Variants in NEDD4L observed in about 807,000 individuals in gnomAD.
NEDD4L encodes the protein NEDD4 like E3 ubiquitin protein ligase, also known as E3 ubiquitin-protein ligase NEDD4-like.
Under a neutral mutation model 148.9 loss-of-function variants are expected in NEDD4L, and 54 were observed. That is an observed-to-expected ratio of 0.36 (90% CI 0.29 to 0.45). The LOEUF is 0.45. Among genes scored for constraint, NEDD4L ranks in the 20% least tolerant of loss-of-function variants. The pLI is 1.00. For missense variants in NEDD4L, 856 were observed against 1,233.8 expected, an observed-to-expected ratio of 0.69 and a Z score of 4.59; for synonymous variants, 433 against 440.7, an observed-to-expected ratio of 0.98 and a Z score of 0.22.
In NEDD4L at chr18:58,276,694, A is replaced by ATTATTATTAT. The variant is rs367992185; in HGVS notation, c.297+24641_297+24642insTATTATTATT. Among the ~76,000 whole-genome samples the ATTATTATTAT allele has an allele frequency of 6.0e-3, 591 of 97,822 alleles. 4 individuals are homozygous for ATTATTATTAT. Among genetic ancestry groups the ATTATTATTAT allele is most frequent in the Middle Eastern group, 0.029 (6 of 206 alleles). 64.2% of individuals were successfully genotyped at this position (97,822 alleles called of 152,430 possible). ...GTGGTCAGCTATAATAATAATAATA[A>ATTATTATTAT]TATTATTATTATTATTATTAATAAA... On this transcript the variant is annotated intron_variant, in intron 5 of 30. Transcript: ENST00000400345.
intron 1 of NEDD4L, among the ~76,000 whole-genome samples, chr18:58,049,040 C>G (rs887065619): frequency 6.6e-6 from 1 of 152,094 alleles, no homozygotes; most frequent in African/African-American, 2.4e-5. Context: ...ACATACTGTC[C>G]ATCTTATGAA....
intron 4 of NEDD4L, among the ~76,000 whole-genome samples, chr18:58,251,144 T>C (rs117348899): frequency 0.011 from 1,690 of 152,208 alleles, 12 homozygotes; most frequent in Non-Finnish European, 0.016. Flanking sequence ...TTTATAAAAT[T>C]GCGTGATAGT....
intron 1 of NEDD4L, among the ~76,000 whole-genome samples, chr18:58,121,266 G>T (rs879760569): frequency 6.6e-6 from 1 of 152,064 alleles, no homozygotes; most frequent in Non-Finnish European, 1.5e-5. Flanking sequence ...TTTAACTTTG[G>T]CCCCTGTTGG....
chr18:58,093,307 T>C (rs2084190117), intron 1 of NEDD4L, among the ~76,000 whole-genome samples: 1 of 152,214 alleles, frequency 6.6e-6, no homozygotes, highest in Non-Finnish European at 1.5e-5. Flanking sequence ...AAGTACTCAT[T>C]TCACAGGCAT....
chr18:58,104,366 A>G (rs956852160), intron 1 of NEDD4L, among the ~76,000 whole-genome samples: 1 of 152,206 alleles, frequency 6.6e-6, no homozygotes, highest in Non-Finnish European at 1.5e-5. Flanking sequence ...CAACTGCTTA[A>G]TGGATGTGGA....
intron 9 of NEDD4L, among the ~76,000 whole-genome samples, chr18:58,326,306 T>G (rs767788838): frequency 6.6e-6 from 1 of 152,186 alleles, no homozygotes; most frequent in Non-Finnish European, 1.5e-5. Context: ...CGTGATCAGC[T>G]TTAGACTACC....
chr18:58,286,657 A>G (rs776610864), intron 5 of NEDD4L, among the ~76,000 whole-genome samples: 3 of 152,206 alleles, frequency 2.0e-5, no homozygotes, highest in Non-Finnish European at 4.4e-5. Context: ...GGGCTTCATC[A>G]TGTTCATGAT....
chr18:58,274,149 G>A (rs570332675), intron 5 of NEDD4L, among the ~76,000 whole-genome samples: 1 of 152,262 alleles, frequency 6.6e-6, no homozygotes, highest in South Asian at 2.1e-4. Flanking sequence ...CCATCTCCAA[G>A]TGTCAGGCAG....
rs187177426 is a variant in NEDD4L, at chr18:58,133,517, G to A, written c.49-32271G>A. Reference sequence around the variant, plus strand: ...TTTTTCTTTAGATAATATGTTCTTTGCATTAATGAGTTTGTGGGTTTTTTG... The same window carrying A: ...TTTTTCTTTAGATAATATGTTCTTTACATTAATGAGTTTGTGGGTTTTTTG... On this transcript the variant is annotated intron_variant, in intron 1 of 30. Coordinates refer to ENST00000400345, the MANE Select transcript of NEDD4L (RefSeq NM_001144967.3). Among the ~76,000 whole-genome samples the A allele has an allele frequency of 5.4e-4, 82 of 152,294 alleles. 1 individual carries two copies. The East Asian group carries it at 0.014, about 26-fold the overall frequency.
intron 1 of NEDD4L, among the ~76,000 whole-genome samples, chr18:58,062,866 TA>T (rs2082394300): frequency 1.3e-5 from 2 of 151,684 alleles, no homozygotes; most frequent in South Asian, 4.1e-4. Flanking sequence ...CAGGCGCCTG[TA>T]GTCCCAGCTA....
chr18:58,350,904 T>A (rs775938847), intron 17 of NEDD4L, 87 bp from the exon 18 acceptor site: 3 of 989,180 alleles, frequency 3.0e-6, no homozygotes, highest in Admixed American at 2.0e-5. Flanking sequence ...TACAGAGGTG[T>A]TCTATAGTTT....
chr18:58,112,130 G>A (rs1461649417), intron 1 of NEDD4L, among the ~76,000 whole-genome samples: 7 of 152,128 alleles, frequency 4.6e-5, no homozygotes, highest in Admixed American at 6.5e-5. Context: ...GGATTTGTCC[G>A]TGTCAACATG....
intron 5 of NEDD4L, among the ~76,000 whole-genome samples, chr18:58,294,626 A>G (rs965807760): frequency 6.7e-6 from 1 of 149,692 alleles, no homozygotes; most frequent in African/African-American, 2.5e-5. Flanking sequence ...TTTGCCTTTT[A>G]TTTTTTGAGC....
At chr18:58,176,526 T>C (rs1160773221) in intron 2 of NEDD4L, among the ~76,000 whole-genome samples, 1 of 152,116 alleles carries the variant, frequency 6.6e-6, no homozygotes, top group Non-Finnish European at 1.5e-5. Flanking sequence ...ATAGAGGTGT[T>C]GTCTTGCTGT....
At chr18:58,070,007 A>C (rs530790378) in intron 1 of NEDD4L, among the ~76,000 whole-genome samples, 4 of 152,300 alleles carry the variant, frequency 2.6e-5, no homozygotes, top group Admixed American at 6.5e-5. Flanking sequence ...GACAGAACAG[A>C]ACTGGAGCTC....
intron 19 of NEDD4L, among the ~76,000 whole-genome samples, chr18:58,363,725 C>T (rs2045779836): frequency 6.6e-6 from 1 of 152,142 alleles, no homozygotes; most frequent in African/African-American, 2.4e-5. Context: ...AAGGGACAAA[C>T]CTTCTGACTT....
intron 1 of NEDD4L, among the ~76,000 whole-genome samples, chr18:58,129,020 C>T (rs889006150): frequency 2.6e-5 from 4 of 152,202 alleles, no homozygotes; most frequent in African/African-American, 9.6e-5. Flanking sequence ...TCACATTTTC[C>T]AGCATTTGTT....
chr18:58,386,850 C>T (rs1354444515), intron 26 of NEDD4L, among the ~76,000 whole-genome samples: 1 of 152,188 alleles, frequency 6.6e-6, no homozygotes, highest in Non-Finnish European at 1.5e-5. Context: ...AGGTTTCACT[C>T]TTTATTTAGA....
At chr18:58,163,913 A>G (rs1348831958) in intron 1 of NEDD4L, among the ~76,000 whole-genome samples, 4 of 151,346 alleles carry the variant, frequency 2.6e-5, no homozygotes, top group African/African-American at 4.9e-5. Flanking sequence ...TCGACATTCT[A>G]TAATCATCAA....
Sources: allele counts gnomAD v4.1 joint callset (sites outside exome capture counted in the v4.1 genomes callset), GRCh38; gene constraint gnomAD v4.1.1; transcripts MANE v1.5; gene names NCBI Gene and HGNC (gene_info 2026-07-23, HGNC 2026-07-21).